NAV2: variants seen among roughly 807,000 people sequenced by gnomAD.
The protein encoded by NAV2 is helicase, APC down-regulated 1.
NAV2 carries 54 observed loss-of-function variants against 223.2 expected under a neutral mutation model. That is an observed-to-expected ratio of 0.24 (90% CI 0.19 to 0.30). NAV2 has a LOEUF of 0.30. Ranked by LOEUF, NAV2 falls within the 10% of genes least tolerant of loss-of-function variation. The pLI, the probability that NAV2 is intolerant of heterozygous loss-of-function variation, is 1.00. For synonymous variants in NAV2, 1,279 were observed against 1,239.3 expected (o/e 1.03, Z -0.67); for missense variants, 2,806 against 3,147.5 (o/e 0.89, Z 2.60).
At chr11:19,656,187 A>G (rs1457925414) in intron 1 of NAV2, among the ~76,000 whole-genome samples, 1 of 152,246 alleles carries the variant, frequency 6.6e-6, no homozygotes, top group Non-Finnish European at 1.5e-5. Flanking sequence ...GACAAAATGC[A>G]GAGCACTGAG....
intron 1 of NAV2, among the ~76,000 whole-genome samples, chr11:19,376,128 T>C (rs1280327954): frequency 6.6e-6 from 1 of 152,228 alleles, no homozygotes. Flanking sequence ...TTTATGGAGA[T>C]GATGTTAAGA....
At chr11:19,876,286 A>G (rs1322704906) in intron 4 of NAV2, among the ~76,000 whole-genome samples, 34 of 152,152 alleles carry the variant, frequency 2.2e-4, no homozygotes, top group Non-Finnish European at 4.4e-5. Context: ...TCGGCCTCCC[A>G]AAGTGCTGGG....
At chr11:19,388,196 G>C (rs1564897482) in intron 1 of NAV2, among the ~76,000 whole-genome samples, 1 of 152,330 alleles carries the variant, frequency 6.6e-6, no homozygotes, top group East Asian at 1.9e-4. Context: ...ATCTTTGTAT[G>C]TTTTAGAATA....
chr11:19,735,300 GCT>G (rs899141819), intron 1 of NAV2, among the ~76,000 whole-genome samples: 1 of 152,140 alleles, frequency 6.6e-6, no homozygotes, highest in Non-Finnish European at 1.5e-5. Flanking sequence ...ACGCTCCCTG[GCT>G]CTCTCTGCCA....
At chr11:20,065,624 C>T (rs935857833) in intron 20 of NAV2, among the ~76,000 whole-genome samples, 5 of 152,118 alleles carry the variant, frequency 3.3e-5, no homozygotes, top group Non-Finnish European at 7.3e-5. Flanking sequence ...GCAAGGGGGG[C>T]AAGATACAAA....
At chr11:19,624,936 T>C (rs1368276476) in intron 1 of NAV2, among the ~76,000 whole-genome samples, 2 of 152,250 alleles carry the variant, frequency 1.3e-5, no homozygotes, top group African/African-American at 4.8e-5. Flanking sequence ...TTAAAAATTT[T>C]AATTGACAAA....
chr11:19,494,550 C>A (rs1249392846), intron 1 of NAV2, among the ~76,000 whole-genome samples: 1 of 152,200 alleles, frequency 6.6e-6, no homozygotes, highest in African/African-American at 2.4e-5. Context: ...TGTAGCTGAG[C>A]CAGGGGTGAA....
chr11:19,370,813 A>G (rs929576772), intron 1 of NAV2, among the ~76,000 whole-genome samples: 1 of 152,174 alleles, frequency 6.6e-6, no homozygotes, highest in Admixed American at 6.5e-5. Context: ...TGCTAAGGGG[A>G]CATGCACCAG....
At chr11:20,042,800 C>T (rs149545567) in intron 12 of NAV2, among the ~76,000 whole-genome samples, 108 of 152,200 alleles carry the variant, frequency 7.1e-4, no homozygotes, top group Non-Finnish European at 1.2e-3. Flanking sequence ...ACCCTGAAAG[C>T]GCTCCTGACC....
intron 6 of NAV2, among the ~76,000 whole-genome samples, chr11:19,895,479 A>T (rs1591118559): frequency 6.6e-6 from 1 of 152,140 alleles, no homozygotes; most frequent in East Asian, 1.9e-4. Context: ...AAATTAAGTA[A>T]CTTGCCCTCG....
At chr11:19,760,406 C>T (rs926376641) in intron 1 of NAV2, among the ~76,000 whole-genome samples, 2 of 152,196 alleles carry the variant, frequency 1.3e-5, no homozygotes, top group African/African-American at 4.8e-5. Flanking sequence ...GACAGTGATT[C>T]TGTTATTAGT....
chr11:19,512,052 A>G (rs2043295401), intron 1 of NAV2, among the ~76,000 whole-genome samples: 3 of 152,194 alleles, frequency 2.0e-5, no homozygotes, highest in Non-Finnish European at 2.9e-5. Flanking sequence ...ACCCCAGCCC[A>G]GTCTTTGACA....
chr11:19,762,328 C>T (rs895177005), intron 1 of NAV2, among the ~76,000 whole-genome samples: 3 of 152,194 alleles, frequency 2.0e-5, no homozygotes, highest in African/African-American at 7.2e-5. Context: ...CATGACTCCC[C>T]ATTGCTGTCA....
intron 11 of NAV2, among the ~76,000 whole-genome samples, chr11:19,997,936 A>G (rs769099587): frequency 1.3e-4 from 19 of 151,922 alleles, no homozygotes; most frequent in Non-Finnish European, 1.5e-4. Flanking sequence ...GCTCTCATCT[A>G]TCCGGGGTCT....
chr11:19,736,030 T>C (rs535193099), intron 1 of NAV2, among the ~76,000 whole-genome samples: 2 of 152,216 alleles, frequency 1.3e-5, no homozygotes, highest in East Asian at 3.9e-4. Flanking sequence ...AAAGATCTTT[T>C]TCAAAAAGCC....
chr11:19,765,397 C>T, intron 1 of NAV2, among the ~76,000 whole-genome samples: 1 of 150,666 alleles, frequency 6.6e-6, no homozygotes, highest in Non-Finnish European at 1.5e-5. Flanking sequence ...TTCCTTCCCT[C>T]CCTCCCTCTC....
chr11:19,788,821 C>T (rs1425402430), intron 1 of NAV2, among the ~76,000 whole-genome samples: 2 of 152,152 alleles, frequency 1.3e-5, no homozygotes, highest in East Asian at 1.9e-4. Context: ...ACTTGACTGG[C>T]TCTTATCTCT....
chr11:19,979,096 T>C (rs1033957199), intron 10 of NAV2: 1 of 152,198 alleles, frequency 6.6e-6, no homozygotes, highest in South Asian at 2.1e-4. Flanking sequence ...CAGGTCTGTC[T>C]TGACTGGAGG....
chr11:19,720,439 T>C (rs1181407499), intron 1 of NAV2, among the ~76,000 whole-genome samples: 2 of 152,220 alleles, frequency 1.3e-5, no homozygotes, highest in African/African-American at 4.8e-5. Context: ...TTGCAAACAA[T>C]GGGCCCCCAG....
Sources: gnomAD v4.1 joint callset for allele counts (sites outside exome capture counted in the v4.1 genomes callset) on GRCh38, gnomAD v4.1.1 for gene constraint, MANE v1.5 for transcripts, NCBI Gene and HGNC (gene_info 2026-07-23, HGNC 2026-07-21) for gene names.